Variants in FRMD4A observed in about 807,000 individuals in gnomAD.
FRMD4A encodes FERM domain containing 4A, also known as FERM domain-containing protein 4A.
In FRMD4A, 29 loss-of-function variants were observed where a neutral mutation model predicts 129.1. The observed-to-expected ratio is 0.22, with a 90% CI of 0.17 to 0.31. FRMD4A has a LOEUF of 0.31. Among genes scored for constraint, FRMD4A ranks in the 10% least tolerant of loss-of-function variants. The pLI is 1.00. For synonymous variants in FRMD4A, 634 were observed against 571.6 expected (o/e 1.11, Z -1.56); for missense variants, 1,272 against 1,375.8 (o/e 0.92, Z 1.19).
intron 2 of FRMD4A, among the ~76,000 whole-genome samples, chr10:14,316,524 A>AAAAAAAAAAAAAAAG (rs556192567): frequency 7.5e-6 from 1 of 132,614 alleles, no homozygotes; most frequent in Non-Finnish European, 1.6e-5. Context: ...AAAAAAAAAA[A>AAAAAAAAAAAAAAAG]AAGAAGAAGA....
intron 2 of FRMD4A, among the ~76,000 whole-genome samples, chr10:14,190,679 T>C (rs989422608): frequency 6.6e-6 from 1 of 152,210 alleles, no homozygotes. Context: ...AGCCCCGGCA[T>C]CTGTCAACAC....
At chr10:13,774,753 A>C (rs909215907) in intron 6 of FRMD4A, among the ~76,000 whole-genome samples, 1 of 152,232 alleles carries the variant, frequency 6.6e-6, no homozygotes, top group Non-Finnish European at 1.5e-5. Context: ...GACCAGGGCC[A>C]GCAGACAACT....
At chr10:13,740,118 G>A (rs1438847867) in intron 11 of FRMD4A, 76 bp downstream of exon 11, 39 of 873,726 alleles carry the variant, frequency 4.5e-5, no homozygotes, top group Non-Finnish European at 7.3e-5. Flanking sequence ...AGAAAAAGAA[G>A]AAAACATATA....
In FRMD4A at chr10:14,176,499, G is replaced by C. The variant is rs576740415; in HGVS notation, c.45+153559C>G. ...TTTTTTTTTTTTTTTTTTTGAGACG[G>C]AGTCTCCCTCTGTTGGCCAGGCTGG... On this transcript the variant is annotated intron_variant, in intron 2 of 24. Transcript: ENST00000357447. 3.1e-4 allele frequency among the ~76,000 whole-genome samples: 41 copies of C among 131,720 alleles called. 1 individual carries two copies. In the South Asian group the frequency reaches 6.4e-3, roughly 20 times the overall value. The allele number at this position is 131,720 out of a possible 152,430, so 86.4% of individuals were successfully genotyped here.
At position 13,646,311 on chromosome 10, in the gene FRMD4A, A is replaced by T. The variant is rs1450009018; in HGVS notation, c.*727T>A. 5 of 152,628 alleles carry T rather than the reference A, an allele frequency of 3.3e-5. No homozygotes were observed. The highest frequency in any genetic ancestry group is 2.6e-4 in the Admixed American group (4 of 15,294). The allele number at this position is 152,628 out of a possible 1,614,324, so 9.5% of individuals were successfully genotyped here. A position where few individuals can be genotyped will look rare whatever the true frequency, so the allele number is the denominator to read the frequency against. Reference sequence around the variant, plus strand: ...AATGTCTTCCTCTTGGCCCCTCTTAATTTTTTATGTTTTTATTTATTTTTA... The same window carrying T: ...AATGTCTTCCTCTTGGCCCCTCTTATTTTTTTATGTTTTTATTTATTTTTA... On this transcript the variant is annotated 3_prime_UTR_variant, in exon 25 of 25. Coordinates refer to ENST00000357447, the MANE Select transcript of FRMD4A (RefSeq NM_018027.5).
chr10:13,896,729 T>G (rs994983989), intron 2 of FRMD4A, among the ~76,000 whole-genome samples: 1 of 151,872 alleles, frequency 6.6e-6, no homozygotes, highest in Admixed American at 6.6e-5. Context: ...ACTTGATGAA[T>G]AAAATAAAAT....
At chr10:13,763,193 A>T (rs193009215) in intron 6 of FRMD4A, among the ~76,000 whole-genome samples, 1,766 of 152,284 alleles carry the variant, frequency 0.012, 17 homozygotes, top group Non-Finnish European at 0.019. Context: ...ATCTTTAGAG[A>T]AATTAAGAGG....
intron 3 of FRMD4A, among the ~76,000 whole-genome samples, chr10:13,823,386 C>A (rs528849355): frequency 6.6e-6 from 1 of 152,270 alleles, no homozygotes; most frequent in Admixed American, 6.5e-5. Flanking sequence ...AGCCTCTCTG[C>A]ATTAATGAAA....
chr10:13,932,118 G>A (rs1228711955), intron 2 of FRMD4A, among the ~76,000 whole-genome samples: 2 of 152,216 alleles, frequency 1.3e-5, no homozygotes, highest in Non-Finnish European at 2.9e-5. Context: ...ATTGCTCCCT[G>A]AGAAAACATT....
chr10:13,867,934 A>G (rs895907673), intron 2 of FRMD4A, among the ~76,000 whole-genome samples: 1 of 143,976 alleles, frequency 6.9e-6, no homozygotes, highest in Non-Finnish European at 1.5e-5. Context: ...TAAATAATAT[A>G]TATATAATAA....
At chr10:14,065,805 T>A (rs1447517640) in intron 2 of FRMD4A, among the ~76,000 whole-genome samples, 1 of 152,122 alleles carries the variant, frequency 6.6e-6, no homozygotes, top group Non-Finnish European at 1.5e-5. Flanking sequence ...CCCCTGTGTG[T>A]CCCTGGCTGA....
chr10:14,046,346 A>G (rs1299917796), intron 2 of FRMD4A, among the ~76,000 whole-genome samples: 1 of 152,164 alleles, frequency 6.6e-6, no homozygotes, highest in African/African-American at 2.4e-5. Flanking sequence ...TAAAACCTAG[A>G]GCTGAAAGTT....
rs1473222893 is a variant in FRMD4A, at chr10:13,739,096, G to A, written c.672+1098C>T. Reference sequence around the variant, plus strand: ...AAATAACCTAATACAACCCCATAGTGGGTGTCTGGAAAACTTGAAACTGGC... The same window carrying A: ...AAATAACCTAATACAACCCCATAGTAGGTGTCTGGAAAACTTGAAACTGGC... On this transcript the variant is annotated intron_variant, in intron 11 of 24. Coordinates refer to ENST00000357447, the MANE Select transcript of FRMD4A (RefSeq NM_018027.5). Among the ~76,000 whole-genome samples, 6 of 152,318 alleles carry A rather than the reference G, an allele frequency of 3.9e-5. No individual in the cohort carries two copies. The East Asian group carries it at 1.2e-3, about 29-fold the overall frequency.
At chr10:14,080,951 A>G (rs544476708) in intron 2 of FRMD4A, among the ~76,000 whole-genome samples, 76 of 152,050 alleles carry the variant, frequency 5.0e-4, no homozygotes, top group Admixed American at 8.5e-4. Flanking sequence ...TGTGGCTCAG[A>G]CGTTGATGGA....
At chr10:14,175,088 A>G (rs1184586837) in intron 2 of FRMD4A, among the ~76,000 whole-genome samples, 2 of 152,198 alleles carry the variant, frequency 1.3e-5, no homozygotes, top group East Asian at 3.8e-4. Context: ...GAACTTCTTT[A>G]TGCTTGAGGA....
Position 13,848,559 on chromosome 10 carries a change from G to C in FRMD4A, c.111+10288C>G, listed in dbSNP as rs933780407. Among the ~76,000 whole-genome samples, 36 of 151,994 alleles carry C rather than the reference G, an allele frequency of 2.4e-4. 1 individual carries two copies. Among genetic ancestry groups the C allele is most frequent in the African/African-American group, 8.5e-4 (35 of 41,414 alleles). On this transcript the variant is annotated intron_variant, in intron 3 of 24. Coordinates refer to ENST00000357447, the MANE Select transcript of FRMD4A (RefSeq NM_018027.5). ...CCATTAGGCTGGGGAGATGGGGATGGTCTCTTCTCCTCTCCTCAACCAGCA... is the reference window on the plus strand; with the variant it reads ...CCATTAGGCTGGGGAGATGGGGATGCTCTCTTCTCCTCTCCTCAACCAGCA...
chr10:13,692,817 G>C (rs982698036), intron 15 of FRMD4A: 1 of 152,154 alleles, frequency 6.6e-6, no homozygotes, highest in African/African-American at 2.4e-5. Flanking sequence ...GTGGCTCAGA[G>C]ACAGCTGCAT....
At position 14,238,214 on chromosome 10, in the gene FRMD4A, CATA is replaced by C. The variant is rs563969212; in HGVS notation, c.45+91841_45+91843del. Among the ~76,000 whole-genome samples, 12 of 152,338 alleles carry C rather than the reference CATA, an allele frequency of 7.9e-5. No homozygotes were observed. The South Asian group carries it at 2.3e-3, about 29-fold the overall frequency. On this transcript the variant is annotated intron_variant, in intron 2 of 24. Coordinates refer to ENST00000357447, the MANE Select transcript of FRMD4A (RefSeq NM_018027.5). ...TATATGTGGGGTATCATCTCATTCT[CATA>C]ATAATTCTGCAAGGTGGATAGAATT...
chr10:13,680,627 G>A (rs553695445), intron 15 of FRMD4A, among the ~76,000 whole-genome samples: 4 of 152,140 alleles, frequency 2.6e-5, no homozygotes, highest in Non-Finnish European at 5.9e-5. Flanking sequence ...TTGGGGAGCC[G>A]AGACAGGAGA....
Sources: gnomAD v4.1 joint callset for allele counts (sites outside exome capture counted in the v4.1 genomes callset) on GRCh38, gnomAD v4.1.1 for gene constraint, MANE v1.5 for transcripts, NCBI Gene and HGNC (gene_info 2026-07-23, HGNC 2026-07-21) for gene names.